Variants in CERS4 observed in about 807,000 individuals in gnomAD.
CERS4 encodes the protein ceramide synthase 4, also known as LAG1 homolog, ceramide synthase 4.
CERS4 carries 65 observed loss-of-function variants against 51.8 expected under a neutral mutation model. The observed-to-expected ratio is 1.26, with a 90% CI of 1.03 to 1.54. The LOEUF (loss-of-function observed/expected upper bound fraction) is 1.54. Ranked by LOEUF, CERS4 falls within the 40% of genes most tolerant of loss-of-function variation. CERS4 has a pLI of 0.00. For missense variants in CERS4, 563 were observed against 500.4 expected (o/e 1.13, Z -1.19); for synonymous variants, 228 against 208.4 (o/e 1.09, Z -0.81).
rs1396716170 is a variant in CERS4, at chr19:8,257,101, C to T, written c.741+24C>T. ...AGGTGGGCCCGACCCCTGCCTGACC[C>T]TTCCCAGCTGCTGTACCCAGCCCTC... On this transcript the variant is annotated intron_variant, in intron 9 of 11. Transcript: ENST00000251363. 1.9e-6 allele frequency: 3 copies of T among 1,570,752 alleles called. No individual in the cohort carries two copies. In the South Asian group the frequency reaches 3.6e-5, roughly 19 times the overall value.
In CERS4 at chr19:8,262,223, G is replaced by A. The variant is rs568738363; in HGVS notation, c.*114G>A. ...TCTGGAGACAGGGAGGGCCCCACCC[G>A]GGGTGGGTGGGAAGGCTGATGATCT... On this transcript the variant is annotated 3_prime_UTR_variant, in exon 12 of 12. Transcript: ENST00000251363. 1.7e-5 allele frequency: 20 copies of A among 1,171,524 alleles called. No individual in the cohort carries two copies. The highest frequency in any genetic ancestry group is 2.8e-5 in the East Asian group (1 of 35,658). 72.6% of individuals were successfully genotyped at this position (1,171,524 alleles called of 1,614,324 possible).
intron 2 of CERS4, among the ~76,000 whole-genome samples, chr19:8,241,925 A>G (rs1968556420): frequency 6.6e-6 from 1 of 152,202 alleles, no homozygotes; most frequent in Admixed American, 6.5e-5. Flanking sequence ...AACTGGATCC[A>G]AAAGAGAAAA....
At chr19:8,232,876 CCAT>C (rs1302541872) in intron 2 of CERS4, among the ~76,000 whole-genome samples, 1 of 148,148 alleles carries the variant, frequency 6.8e-6, no homozygotes, top group Non-Finnish European at 1.5e-5. Flanking sequence ...GGAGACACCA[CCAT>C]GCCTCGCTGA....
intron 2 of CERS4, among the ~76,000 whole-genome samples, chr19:8,243,623 TGC>T (rs1260283186): frequency 6.7e-6 from 1 of 149,080 alleles, no homozygotes; most frequent in Non-Finnish European, 1.5e-5. Context: ...GTACTTAGCC[TGC>T]CCCTTCATGT....
At chr19:8,248,832 G>GGGT in intron 2 of CERS4, among the ~76,000 whole-genome samples, 1 of 132,544 alleles carries the variant, frequency 7.5e-6, no homozygotes, top group Middle Eastern at 3.7e-3. Context: ...GATGGATGAT[G>GGGT]GGTGGGTGGA....
chr19:8,237,541 C>T lies in CERS4; in HGVS notation c.-1-13535C>T, dbSNP rs547934209. ...CTGCACTCCAGCCTGGGCATAGAGACTGCATCTCAAAAAAACAGAAAAAAG... is the reference window on the plus strand; with the variant it reads ...CTGCACTCCAGCCTGGGCATAGAGATTGCATCTCAAAAAAACAGAAAAAAG... On this transcript the variant is annotated intron_variant, in intron 2 of 11. Transcript: ENST00000251363. Among the ~76,000 whole-genome samples the T allele has an allele frequency of 5.3e-5, 8 of 151,718 alleles. No homozygotes were observed. In the East Asian group the frequency reaches 7.8e-4, roughly 15 times the overall value.
chr19:8,261,666 C>T (rs776050248), intron 10 of CERS4, 22 bp from the exon 11 acceptor site: 3 of 1,613,368 alleles, frequency 1.9e-6, no homozygotes, highest in African/African-American at 2.7e-5. Flanking sequence ...ACCCCAGCCT[C>T]CTCCTCTCCC....
intron 2 of CERS4, among the ~76,000 whole-genome samples, chr19:8,236,300 G>T (rs1214507918): frequency 1.3e-5 from 2 of 152,172 alleles, no homozygotes; most frequent in Non-Finnish European, 2.9e-5. Flanking sequence ...CGAGAAAGAC[G>T]TTTCCTAACA....
intron 2 of CERS4, among the ~76,000 whole-genome samples, chr19:8,212,460 G>A (rs1394858714): frequency 7.2e-5 from 11 of 152,054 alleles, no homozygotes; most frequent in Admixed American, 2.0e-4. Context: ...GTGGTACGGC[G>A]TAGGATGGGC....
rs959566613 is a variant in CERS4 at position 8,255,644 on chromosome 19, C to T, written c.329C>T (p.Thr110Met). The change falls in exon 5 of 12, where the codon ACG becomes ATG. Residue 110 changes from threonine to methionine, a missense_variant. Thr to Met is a moderately conservative substitution (Grantham distance 81). Coordinates refer to ENST00000251363, the MANE Select transcript of CERS4 (RefSeq NM_024552.3). ...CTCCTGGCCGCCCAGTGTGGCCTCA[C>T]GCTGCAGCAGACCCAGCGATGGTTC... ...LSLLAAQCGL[T>M]LQQTQRWFRR... 7.4e-6 allele frequency: 12 copies of T among 1,612,838 alleles called. No homozygotes were observed. Among genetic ancestry groups the T allele is most frequent in the Middle Eastern group, 1.9e-4 (1 of 5,318 alleles).
chr19:8,255,899 G>C lies in CERS4; in HGVS notation c.468+20G>C. 1 of 1,612,968 alleles carries C rather than the reference G, an allele frequency of 6.2e-7. No individual in the cohort carries two copies. Among genetic ancestry groups the C allele is most frequent in the East Asian group, 2.2e-5 (1 of 44,886 alleles). ...TACCACGTGAGTATACCAGAGTATA[G>C]CTGACTGCTCACCTGCCCCATCCAC... On this transcript the variant is annotated intron_variant, in intron 6 of 11. Transcript: ENST00000251363.
At chr19:8,238,308 G>A (rs1447948662) in intron 2 of CERS4, among the ~76,000 whole-genome samples, 1 of 152,090 alleles carries the variant, frequency 6.6e-6, no homozygotes, top group Non-Finnish European at 1.5e-5. Flanking sequence ...TATTGGCTGG[G>A]GAGGGGACTC....
In CERS4 at chr19:8,243,252, C is replaced by T. The variant is rs563044566; in HGVS notation, c.-1-7824C>T. ...GGGATTGCAGATACCCTGCAGTGGT[C>T]ATGGCTTTGGCTGTGAGAGCTGAGT... On this transcript the variant is annotated intron_variant, in intron 2 of 11. Transcript: ENST00000251363. 6.8e-5 allele frequency among the ~76,000 whole-genome samples: 10 copies of T among 147,120 alleles called. No homozygotes were observed. The South Asian group carries it at 2.2e-3, about 32-fold the overall frequency.
At chr19:8,235,554 A>G (rs1215595843) in intron 2 of CERS4, among the ~76,000 whole-genome samples, 1 of 150,744 alleles carries the variant, frequency 6.6e-6, no homozygotes, top group Non-Finnish European at 1.5e-5. Flanking sequence ...CAGCCTGGCC[A>G]TCATAGGGAA....
intron 2 of CERS4, among the ~76,000 whole-genome samples, chr19:8,235,011 C>CTTTTTT (rs567754538): frequency 9.0e-6 from 1 of 110,686 alleles, no homozygotes; most frequent in Non-Finnish European, 1.8e-5. Context: ...TTCTTTCTTT[C>CTTTTTT]TTTTTTTTTT....
At chr19:8,221,882 T>A (rs1290903123) in intron 2 of CERS4, among the ~76,000 whole-genome samples, 1,241 of 95,514 alleles carry the variant, frequency 0.013, 66 homozygotes, top group African/African-American at 0.052. Flanking sequence ...GTTTTTTTTT[T>A]TTTTTTTTTT....
chr19:8,242,354 A>G (rs114629088), intron 2 of CERS4, among the ~76,000 whole-genome samples: 238 of 152,314 alleles, frequency 1.6e-3, no homozygotes, highest in African/African-American at 3.5e-3. Context: ...ATCAGTCTGA[A>G]GCCTCCTTGG....
At chr19:8,245,126 A>C (rs549469830) in intron 2 of CERS4, among the ~76,000 whole-genome samples, 1 of 148,228 alleles carries the variant, frequency 6.7e-6, no homozygotes, top group Non-Finnish European at 1.5e-5. Context: ...AAAAAAAAAA[A>C]AAAAAAAAAC....
At chr19:8,254,755 C>T (rs1969283822) in intron 4 of CERS4, 139 bp downstream of exon 4, 2 of 714,200 alleles carry the variant, frequency 2.8e-6, no homozygotes, top group Non-Finnish European at 4.7e-6. Flanking sequence ...TTCCACTCTT[C>T]ATCCTCAATT....
Sources: allele counts gnomAD v4.1 joint callset (sites outside exome capture counted in the v4.1 genomes callset), GRCh38; gene constraint gnomAD v4.1.1; transcripts MANE v1.5; gene names NCBI Gene and HGNC (gene_info 2026-07-23, HGNC 2026-07-21).